The following FHIT variants were observed in gnomAD, a reference collection of about 807,000 sequenced individuals.
FHIT encodes bis(5'-adenosyl)-triphosphatase.
FHIT carries 19 observed loss-of-function variants against 17.9 expected under a neutral mutation model. The observed-to-expected ratio is 1.06, with a 90% CI of 0.74 to 1.56. FHIT has a LOEUF of 1.56. FHIT is among the 40% of genes most tolerant of loss of function. The pLI is 0.00. For missense variants in FHIT, 248 were observed against 189.2 expected, an observed-to-expected ratio of 1.31 and a Z score of -1.82; for synonymous variants, 81 against 69.7, an observed-to-expected ratio of 1.16 and a Z score of -0.81.
intron 5 of FHIT, among the ~76,000 whole-genome samples, chr3:60,173,987 C>T (rs539953219): frequency 7.2e-6 from 1 of 139,316 alleles, no homozygotes; most frequent in East Asian, 2.2e-4. Context: ...GATCTTGGTT[C>T]ACTGCAACCT....
Position 61,179,095 on chromosome 3 carries a change from C to G in FHIT, c.-164+21522G>C, listed in dbSNP as rs151058163. ...GTGCGATCTTGGCTCACTGCAGCCTCTGCCTCCTTGTTCAAGCAATTCTCC... is the reference window on the plus strand; with the variant it reads ...GTGCGATCTTGGCTCACTGCAGCCTGTGCCTCCTTGTTCAAGCAATTCTCC... On this transcript the variant is annotated intron_variant, in intron 2 of 9. Coordinates refer to ENST00000492590, the MANE Select transcript of FHIT (RefSeq NM_002012.4). Among the ~76,000 whole-genome samples the G allele has an allele frequency of 2.3e-3, 337 of 149,366 alleles. 1 individual carries two copies. The highest frequency in any genetic ancestry group is 7.7e-3 in the African/African-American group (313 of 40,400).
chr3:60,016,523 G>C (rs143398423), intron 5 of FHIT, among the ~76,000 whole-genome samples: 1 of 152,266 alleles, frequency 6.6e-6, no homozygotes, highest in African/African-American at 2.4e-5. Flanking sequence ...GTCTATGCTG[G>C]AACTTAGGAT....
intron 2 of FHIT, among the ~76,000 whole-genome samples, chr3:61,159,787 C>T (rs1010776025): frequency 6.6e-6 from 1 of 152,142 alleles, no homozygotes; most frequent in East Asian, 1.9e-4. Context: ...TTTACTAGTT[C>T]TCATTTTCCC....
At chr3:60,635,332 A>G (rs1463168868) in intron 4 of FHIT, among the ~76,000 whole-genome samples, 1 of 152,182 alleles carries the variant, frequency 6.6e-6, no homozygotes, top group Non-Finnish European at 1.5e-5. Flanking sequence ...GGCCACTCAT[A>G]GCATCTCCCT....
intron 5 of FHIT, among the ~76,000 whole-genome samples, chr3:60,441,769 TTTATATGTATAA>T (rs2030861912): frequency 1.4e-4 from 4 of 29,616 alleles, no homozygotes; most frequent in African/African-American, 2.0e-4. Context: ...TATATATATA[TTTATATGTATAA>T]AAATATATAT....
At chr3:59,797,058 A>T (rs1699805759) in intron 8 of FHIT, among the ~76,000 whole-genome samples, 1 of 152,204 alleles carries the variant, frequency 6.6e-6, no homozygotes, top group African/African-American at 2.4e-5. Context: ...TATATTTAAC[A>T]TCATTGCTAA....
At chr3:60,009,165 ATGTG>A (rs753809976) in intron 7 of FHIT, among the ~76,000 whole-genome samples, 3,421 of 52,938 alleles carry the variant, frequency 0.065, 38 homozygotes, top group Middle Eastern at 0.078. Flanking sequence ...CTGGGATTTT[ATGTG>A]TGTGTGTGTG....
At chr3:59,808,119 A>G (rs890777125) in intron 8 of FHIT, among the ~76,000 whole-genome samples, 1 of 152,194 alleles carries the variant, frequency 6.6e-6, no homozygotes, top group Non-Finnish European at 1.5e-5. Context: ...GCAACCACTT[A>G]TCTGCTTTCT....
At chr3:60,779,853 G>T (rs578013864) in intron 4 of FHIT, among the ~76,000 whole-genome samples, 1 of 152,256 alleles carries the variant, frequency 6.6e-6, no homozygotes, top group South Asian at 2.1e-4. Context: ...CTGTTTCATG[G>T]ATAAAGGCCA....
In FHIT at chr3:60,110,070, C is replaced by T. The variant is rs1704603540; in HGVS notation, c.104-95918G>A. Among the ~76,000 whole-genome samples the T allele has an allele frequency of 2.6e-5, 4 of 152,228 alleles. 1 individual carries two copies. In the South Asian group the frequency reaches 8.3e-4, roughly 32 times the overall value. The stretch of plus-strand genomic sequence containing the variant: ...GGCCTAAATTAGCCCAATGTTATGG[C>T]TATAAAGGAAACAGGAAACCTGTGT... On this transcript the variant is annotated intron_variant, in intron 5 of 9. Transcript: ENST00000492590.
At chr3:59,877,147 G>A (rs1184965150) in intron 8 of FHIT, among the ~76,000 whole-genome samples, 1 of 152,134 alleles carries the variant, frequency 6.6e-6, no homozygotes, top group Non-Finnish European at 1.5e-5. Context: ...TCTTGAGTAT[G>A]ACATTTATGC....
intron 8 of FHIT, among the ~76,000 whole-genome samples, chr3:59,841,785 T>G (rs1195607875): frequency 6.6e-6 from 1 of 152,158 alleles, no homozygotes; most frequent in African/African-American, 2.4e-5. Context: ...CAAGTTTGAT[T>G]ATAAAGAAAA....
At position 59,996,001 on chromosome 3, in the gene FHIT, T is replaced by C. The variant is rs144473410; in HGVS notation, c.279+15370A>G. ...GAAGAAGAAGAGAGTGAGATGATGT[T>C]CTTTTTGAGGGCCAGGATGACACTG... On this transcript the variant is annotated intron_variant, in intron 7 of 9. Coordinates refer to ENST00000492590, the MANE Select transcript of FHIT (RefSeq NM_002012.4). 8.5e-5 allele frequency among the ~76,000 whole-genome samples: 13 copies of C among 152,232 alleles called. No individual in the cohort carries two copies. The East Asian group carries it at 1.9e-3, about 23-fold the overall frequency.
At chr3:59,866,953 T>A (rs563371437) in intron 8 of FHIT, among the ~76,000 whole-genome samples, 4 of 151,924 alleles carry the variant, frequency 2.6e-5, no homozygotes, top group Admixed American at 2.6e-4. Context: ...CCTATTCTCA[T>A]ACAACACTTA....
At chr3:60,536,741 T>G in intron 5 of FHIT, 119 bp downstream of exon 5, 1 of 1,084,510 alleles carries the variant, frequency 9.2e-7, no homozygotes, top group Non-Finnish European at 1.2e-6. Context: ...GGGAGGGAGA[T>G]GGATTCTTTA....
intron 3 of FHIT, among the ~76,000 whole-genome samples, chr3:60,850,996 C>G (rs1236554324): frequency 6.6e-6 from 1 of 152,058 alleles, no homozygotes; most frequent in African/African-American, 2.4e-5. Flanking sequence ...ACACTCACTC[C>G]CATATACACA....
chr3:60,193,212 G>A (rs983384243), intron 5 of FHIT, among the ~76,000 whole-genome samples: 4 of 152,258 alleles, frequency 2.6e-5, no homozygotes, highest in African/African-American at 7.2e-5. Flanking sequence ...GCCTAAATGC[G>A]GATGTGAGTA....
intron 5 of FHIT, among the ~76,000 whole-genome samples, chr3:60,207,519 T>C (rs1463467586): frequency 1.3e-5 from 2 of 152,118 alleles, no homozygotes; most frequent in Admixed American, 6.5e-5. Context: ...TTAAAATGTT[T>C]TTCTTAGATC....
At chr3:61,011,980 T>A (rs1313280229) in intron 3 of FHIT, among the ~76,000 whole-genome samples, 1 of 152,216 alleles carries the variant, frequency 6.6e-6, no homozygotes, top group Admixed American at 6.5e-5. Context: ...CTGACCTAGC[T>A]GATTGATTCA....
Sources: gnomAD v4.1 joint callset for allele counts (sites outside exome capture counted in the v4.1 genomes callset) on GRCh38, gnomAD v4.1.1 for gene constraint, MANE v1.5 for transcripts, NCBI Gene and HGNC (gene_info 2026-07-23, HGNC 2026-07-21) for gene names.